DOK5: variants seen among roughly 807,000 people sequenced by gnomAD.
DOK5 encodes downstream of tyrosine kinase 5.
DOK5 carries 27 observed loss-of-function variants against 43.3 expected under a neutral mutation model. The ratio of observed to expected loss-of-function variants is 0.62; its 90% CI spans 0.46 to 0.86. The LOEUF is 0.86. DOK5 is among the 40% of genes least tolerant of loss of function. The pLI, the probability that DOK5 is intolerant of heterozygous loss-of-function variation, is 0.00. For synonymous variants in DOK5, 146 were observed against 140.1 expected (o/e 1.04, Z -0.30); for missense variants, 373 against 392.9 (o/e 0.95, Z 0.43).
chr20:54,561,644 C>T (rs1199448635), intron 2 of DOK5, among the ~76,000 whole-genome samples: 1 of 152,158 alleles, frequency 6.6e-6, no homozygotes, highest in Admixed American at 6.5e-5. Flanking sequence ...AAACTTCTTT[C>T]TTGTTTAAGC....
intron 2 of DOK5, among the ~76,000 whole-genome samples, chr20:54,564,360 C>T (rs1028362173): frequency 8.5e-5 from 13 of 152,202 alleles, no homozygotes; most frequent in Admixed American, 4.6e-4. Flanking sequence ...GAACCTGGGA[C>T]GCGGAGCTTG....
intron 1 of DOK5, among the ~76,000 whole-genome samples, chr20:54,546,409 A>T (rs980724514): frequency 6.6e-6 from 1 of 151,934 alleles, no homozygotes; most frequent in Non-Finnish European, 1.5e-5. Context: ...CTTTTTTTTT[A>T]TTATTATACT....
intron 2 of DOK5, among the ~76,000 whole-genome samples, chr20:54,558,799 ATAT>A (rs1984801666): frequency 6.6e-6 from 1 of 152,100 alleles, no homozygotes; most frequent in South Asian, 2.1e-4. Context: ...ATTTTTAAAG[ATAT>A]TATTAAGAAA....
At chr20:54,629,178 C>T (rs778340713) in intron 6 of DOK5, among the ~76,000 whole-genome samples, 14 of 152,140 alleles carry the variant, frequency 9.2e-5, no homozygotes, top group Non-Finnish European at 1.6e-4. Flanking sequence ...ACTTATAAAA[C>T]CACAGTGTAT....
At chr20:54,571,836 C>T (rs1985291458) in intron 2 of DOK5, among the ~76,000 whole-genome samples, 1 of 152,234 alleles carries the variant, frequency 6.6e-6, no homozygotes, top group Admixed American at 6.5e-5. Flanking sequence ...CAGCCTCATG[C>T]TCATCAGTTT....
intron 6 of DOK5, among the ~76,000 whole-genome samples, chr20:54,614,044 TTATA>T (rs1380440120): frequency 6.7e-6 from 1 of 149,560 alleles, no homozygotes; most frequent in Non-Finnish European, 1.5e-5. Context: ...ATATATATGG[TTATA>T]TATATTTATA....
intron 5 of DOK5, among the ~76,000 whole-genome samples, chr20:54,600,076 G>A (rs1986259743): frequency 6.6e-6 from 1 of 152,220 alleles, no homozygotes; most frequent in South Asian, 2.1e-4. Context: ...GTGAGAGTGT[G>A]AGCCATGTAA....
At chr20:54,621,613 C>T (rs368354346) in intron 6 of DOK5, among the ~76,000 whole-genome samples, 2 of 151,012 alleles carry the variant, frequency 1.3e-5, no homozygotes, top group South Asian at 2.1e-4. Flanking sequence ...CGCTTGAACC[C>T]GGAAAGTGGA....
At chr20:54,587,369 A>T (rs6014066) in intron 2 of DOK5, among the ~76,000 whole-genome samples, 34,672 of 152,126 alleles carry the variant, frequency 0.23, 8,556 homozygotes, top group African/African-American at 0.62. Context: ...TATTTATTTC[A>T]CTTCCCACCT....
chr20:54,528,847 G>GT (rs1983668028), intron 1 of DOK5, among the ~76,000 whole-genome samples: 2 of 151,576 alleles, frequency 1.3e-5, no homozygotes, highest in South Asian at 2.1e-4. Flanking sequence ...AAAATAATGA[G>GT]TTAAAAAAAA....
intron 1 of DOK5, among the ~76,000 whole-genome samples, chr20:54,531,644 C>T (rs2146706368): frequency 6.6e-6 from 1 of 152,308 alleles, no homozygotes; most frequent in African/African-American, 2.4e-5. Context: ...GGGAAAGGCT[C>T]TCACTTTCTT....
At chr20:54,552,705 T>C (rs1421801353) in intron 1 of DOK5, among the ~76,000 whole-genome samples, 1 of 152,198 alleles carries the variant, frequency 6.6e-6, no homozygotes, top group Non-Finnish European at 1.5e-5. Context: ...TTATTGTAAA[T>C]AATGCTGCTA....
chr20:54,501,565 G>A (rs1982610760), intron 1 of DOK5, among the ~76,000 whole-genome samples: 1 of 151,424 alleles, frequency 6.6e-6, no homozygotes, highest in Admixed American at 6.6e-5. Context: ...TTGTTTTGCA[G>A]TCATCCATGC....
chr20:54,481,500 T>A (rs1296333034), intron 1 of DOK5, among the ~76,000 whole-genome samples: 3 of 152,074 alleles, frequency 2.0e-5, no homozygotes, highest in Non-Finnish European at 2.9e-5. Context: ...CTTCTCCCTC[T>A]CCTTTCCTTC....
intron 1 of DOK5, among the ~76,000 whole-genome samples, chr20:54,523,939 T>C (rs1983497843): frequency 6.6e-6 from 1 of 152,148 alleles, no homozygotes; most frequent in Admixed American, 6.5e-5. Flanking sequence ...AGGGACTGAA[T>C]TTTTTCTGCC....
chr20:54,554,471 T>C (rs901717200), intron 1 of DOK5, among the ~76,000 whole-genome samples: 22 of 152,214 alleles, frequency 1.4e-4, no homozygotes, highest in African/African-American at 4.8e-4. Flanking sequence ...GTTTAGTGTC[T>C]GGTCCAACTC....
intron 1 of DOK5, among the ~76,000 whole-genome samples, chr20:54,543,406 G>A (rs1301505412): frequency 2.0e-5 from 3 of 152,098 alleles, no homozygotes; most frequent in Non-Finnish European, 4.4e-5. Context: ...GAATAATTTT[G>A]CATTGTTTTC....
intron 1 of DOK5, among the ~76,000 whole-genome samples, chr20:54,491,878 A>T (rs779643091): frequency 1.1e-4 from 16 of 152,156 alleles, no homozygotes; most frequent in Non-Finnish European, 2.2e-4. Flanking sequence ...GAGTGATCTC[A>T]TATTAGAAAA....
intron 6 of DOK5, among the ~76,000 whole-genome samples, chr20:54,624,953 GT>G (rs781062156): frequency 4.4e-4 from 64 of 145,806 alleles, no homozygotes; most frequent in Middle Eastern, 3.6e-3. Flanking sequence ...TTTGCTGCAT[GT>G]TTTTTTTTTT....
Sources: allele counts gnomAD v4.1 joint callset (sites outside exome capture counted in the v4.1 genomes callset), GRCh38; gene constraint gnomAD v4.1.1; transcripts MANE v1.5; gene names NCBI Gene and HGNC (gene_info 2026-07-23, HGNC 2026-07-21).